Variants in PTGER3 observed in about 807,000 individuals in gnomAD.
PTGER3 encodes prostaglandin E receptor 3, also known as prostaglandin E2 receptor EP3 subtype.
A neutral mutation model predicts 34.7 loss-of-function variants in PTGER3; 22 were observed. The observed-to-expected ratio is 0.63, with a 90% CI of 0.45 to 0.91. PTGER3 has a LOEUF of 0.91. PTGER3 is among the 40% of genes least tolerant of loss of function. The pLI, the probability that PTGER3 is intolerant of heterozygous loss-of-function variation, is 0.00. For missense variants in PTGER3, 468 were observed against 519.4 expected, an observed-to-expected ratio of 0.90 and a Z score of 0.96; for synonymous variants, 241 against 230.1, an observed-to-expected ratio of 1.05 and a Z score of -0.43.
intron 4 of PTGER3, among the ~76,000 whole-genome samples, chr1:70,927,769 A>C (rs181034393): frequency 4.5e-4 from 69 of 152,274 alleles, no homozygotes; most frequent in Non-Finnish European, 9.4e-4. Context: ...ATAGAAGAGA[A>C]CAGGAAAATA....
intron 1 of PTGER3, among the ~76,000 whole-genome samples, chr1:71,016,407 T>C (rs1038552801): frequency 1.3e-5 from 2 of 152,326 alleles, no homozygotes; most frequent in Non-Finnish European, 2.9e-5. Context: ...ATATAAAGTT[T>C]TGTTGTTATA....
chr1:70,958,961 A>G (rs562361257), intron 2 of PTGER3, among the ~76,000 whole-genome samples: 1 of 152,186 alleles, frequency 6.6e-6, no homozygotes, highest in African/African-American at 2.4e-5. Flanking sequence ...TGTTCTTGGC[A>G]TCTTCGTCAA....
intron 2 of PTGER3, among the ~76,000 whole-genome samples, chr1:70,963,323 C>T (rs1652147559): frequency 1.3e-5 from 2 of 152,256 alleles, no homozygotes; most frequent in South Asian, 4.1e-4. Context: ...TGGGAGCCCT[C>T]CTCTGATGGC....
chr1:70,935,884 G>C (rs557789861), intron 4 of PTGER3, among the ~76,000 whole-genome samples: 1 of 151,914 alleles, frequency 6.6e-6, no homozygotes, highest in African/African-American at 2.4e-5. Context: ...TGAAACGAAT[G>C]GGAAGTAAGC....
At position 71,046,850 on chromosome 1, in the gene PTGER3, G is replaced by A. The variant is rs1200769338; in HGVS notation, c.728C>T (p.Thr243Ile). The A allele has an allele frequency of 6.2e-7, 1 of 1,614,118 alleles. No individual in the cohort carries two copies. The highest frequency in any genetic ancestry group is 8.5e-7 in the Non-Finnish European group (1 of 1,180,042). ...AFAFLGLLAL[T>I]VTFSCNLATI... ...GGCCAGGTTGCAGGAAAAGGTGACT[G>A]TCAGCGCCAAGAGCCCCAGGAAGGC... is the stretch of plus-strand genomic sequence containing the variant. The change falls in exon 1 of 4, where the codon ACA (threonine) becomes ATA (isoleucine). Residue 243 changes from threonine (T) to isoleucine (I), a missense_variant. Around this residue, in one of 5 missense-constraint regions of PTGER3, gnomAD observed 204 missense variants for 230.8 expected, o/e 0.88. Coordinates refer to ENST00000306666, the MANE Select transcript of PTGER3 (RefSeq NM_198719.2).
intron 3 of PTGER3, among the ~76,000 whole-genome samples, chr1:70,973,202 T>TGATA (rs200787107): frequency 4.9e-5 from 7 of 144,018 alleles, no homozygotes; most frequent in African/African-American, 1.6e-4. Flanking sequence ...TATAGATAGA[T>TGATA]GATAGATAGA....
intron 2 of PTGER3, among the ~76,000 whole-genome samples, chr1:70,991,889 A>G (rs1655515168): frequency 6.6e-6 from 1 of 152,154 alleles, no homozygotes; most frequent in African/African-American, 2.4e-5. Context: ...AAAGAAATGA[A>G]AATTCTTAGA....
At chr1:70,928,120 C>CAT (rs961721223) in intron 4 of PTGER3, among the ~76,000 whole-genome samples, 26 of 101,998 alleles carry the variant, frequency 2.5e-4, no homozygotes, top group East Asian at 8.9e-4. Context: ...ATCCATTCAT[C>CAT]ATATATATAT....
At chr1:71,008,794 G>T in intron 2 of PTGER3, 1 of 952,874 alleles carries the variant, frequency 1.0e-6, no homozygotes, top group Non-Finnish European at 1.2e-6. Flanking sequence ...CATTGTTGAT[G>T]GTTTGTACTT....
intron 2 of PTGER3, among the ~76,000 whole-genome samples, chr1:70,982,638 C>A (rs577978224): frequency 5.9e-5 from 9 of 152,218 alleles, no homozygotes; most frequent in Admixed American, 1.3e-4. Context: ...CACAAGTCTC[C>A]TGTCATGTTT....
At chr1:70,878,648 C>A (rs1646322821) in intron 4 of PTGER3, among the ~76,000 whole-genome samples, 2 of 152,106 alleles carry the variant, frequency 1.3e-5, no homozygotes, top group African/African-American at 2.4e-5. Flanking sequence ...AGCTATGTCC[C>A]AGAGATTCTG....
intron 4 of PTGER3, among the ~76,000 whole-genome samples, chr1:70,920,865 C>T (rs1427478962): frequency 9.4e-6 from 1 of 106,752 alleles, no homozygotes; most frequent in Non-Finnish European, 1.9e-5. Flanking sequence ...ATCAAGAATC[C>T]TGACAATTTT....
intron 4 of PTGER3, among the ~76,000 whole-genome samples, chr1:70,894,347 A>G (rs6669396): frequency 0.12 from 18,184 of 148,046 alleles, 2,456 homozygotes; most frequent in African/African-American, 0.33. Flanking sequence ...TGCCTGATAA[A>G]TTTGTTTTCT....
At chr1:71,026,401 A>G (rs1169074636) in intron 1 of PTGER3, among the ~76,000 whole-genome samples, 1 of 152,196 alleles carries the variant, frequency 6.6e-6, no homozygotes, top group Admixed American at 6.5e-5. Context: ...TGTAAACTTT[A>G]GTTTCCGAAA....
chr1:70,979,336 C>A (rs987736192), intron 2 of PTGER3, among the ~76,000 whole-genome samples: 9 of 150,782 alleles, frequency 6.0e-5, no homozygotes, highest in African/African-American at 2.2e-4. Context: ...AGTTGACTTG[C>A]TCAAATCTAG....
chr1:70,910,820 C>T (rs1443974687), intron 4 of PTGER3, among the ~76,000 whole-genome samples: 1 of 152,160 alleles, frequency 6.6e-6, no homozygotes, highest in Non-Finnish European at 1.5e-5. Flanking sequence ...CCATGGCTCA[C>T]GCCTGTAATC....
Position 70,953,035 on chromosome 1 carries a change from G to A in PTGER3, c.1129C>T (p.Gln377Ter). ...CAATGTGCAGTTGCCCTCTGTATCT[G>A]AGAGTTCTGCAAACTGCAGATTAAC... Residue 377 changes from glutamine to a stop codon, truncating the protein, a stop_gained, in exon 4 of 4, where the codon CAG becomes TAG. Coordinates refer to the PTGER3 transcript ENST00000356595. LOFTEE classifies it low-confidence loss of function (END_TRUNC). The A allele has an allele frequency of 6.2e-7, 1 of 1,606,158 alleles. No individual in the cohort carries two copies. Among genetic ancestry groups the A allele is most frequent in the Non-Finnish European group, 8.5e-7 (1 of 1,175,478 alleles).
At chr1:71,025,045 C>T (rs1042610653) in intron 1 of PTGER3, among the ~76,000 whole-genome samples, 1 of 144,632 alleles carries the variant, frequency 6.9e-6, no homozygotes, top group African/African-American at 2.6e-5. Context: ...TCTCCTAATG[C>T]TATCCCTCCC....
At chr1:70,915,583 A>AAACTTTACTT (rs1158563253) in intron 4 of PTGER3, among the ~76,000 whole-genome samples, 1 of 152,062 alleles carries the variant, frequency 6.6e-6, no homozygotes, top group Non-Finnish European at 1.5e-5. Flanking sequence ...AAGTCACAAT[A>AAACTTTACTT]AACTTTACTT....
Sources: gnomAD v4.1 joint callset for allele counts (sites outside exome capture counted in the v4.1 genomes callset) on GRCh38, gnomAD v4.1.1 for gene constraint, gnomAD v4.1.1 regional missense constraint, MANE v1.5 for transcripts, NCBI Gene and HGNC (gene_info 2026-07-23, HGNC 2026-07-21) for gene names.